The following LRP10 variants were observed in gnomAD, a reference collection of about 807,000 sequenced individuals.
The protein encoded by LRP10 is low-density lipoprotein receptor-related protein 10.
In LRP10, 42 loss-of-function variants were observed where a neutral mutation model predicts 58.5. The ratio of observed to expected loss-of-function variants is 0.72; its 90% confidence interval spans 0.56 to 0.93. LRP10 has a LOEUF of 0.93. LRP10 is among the 40% of genes least tolerant of loss of function. LRP10 has a pLI of 0.00. For synonymous variants in LRP10, 377 were observed against 388.5 expected, an observed-to-expected ratio of 0.97 and a Z score of 0.35; for missense variants, 872 against 940.1, an observed-to-expected ratio of 0.93 and a Z score of 0.95.
At position 22,879,214 on chromosome 14, in the gene LRP10, G is replaced by A. The variant is rs1464898235; in HGVS notation, c.*1687G>A. ...TCTCTTCTAGTGAGCAAGAGCCTGA[G>A]GAAGTAGCAGAGAGGGGTGTGGGCC... On this transcript the variant is annotated 3_prime_UTR_variant, in exon 7 of 7. Transcript: ENST00000359591. 8.8e-6 allele frequency: 4 copies of A among 456,518 alleles called. No individual in the cohort carries two copies. The highest frequency in any genetic ancestry group is 1.3e-5 in the Non-Finnish European group (3 of 226,942). 28.3% of individuals were successfully genotyped at this position (456,518 alleles called of 1,614,324 possible). A position where few individuals can be genotyped will look rare whatever the true frequency, so the allele number is the denominator to read the frequency against.
In LRP10 at chr14:22,875,163, C is replaced by T. The variant is rs762318541; in HGVS notation, c.324C>T (p.Pro108=). ...CACCTCCCAGCCCTCTGCAGCTGCC[C>T]GGGGGCAACGTCACCATCACTTACA... The part of the protein sequence containing the change: ...CEAPPSPLQL[P]GGNVTITYSY... The change falls in exon 4 of 7, where the codon CCC becomes CCT. Residue 108 remains proline (P), a synonymous_variant. Coordinates refer to ENST00000359591, the MANE Select transcript of LRP10 (RefSeq NM_014045.5). The T allele has an allele frequency of 2.5e-5, 41 of 1,613,546 alleles. No individual in the cohort carries two copies. The highest frequency in any genetic ancestry group is 6.7e-5 in the African/African-American group (5 of 74,890).
chr14:22,879,237 G>C lies in LRP10; in HGVS notation c.*1710G>C. On this transcript the variant is annotated 3_prime_UTR_variant, in exon 7 of 7. Transcript: ENST00000359591. ...GAGGAAGTAGCAGAGAGGGGTGTGG[G>C]CCCATGTGCAGTTCTGGGACCCTGG... The C allele has an allele frequency of 2.2e-6, 1 of 456,512 alleles. No individual in the cohort carries two copies. The highest frequency in any genetic ancestry group is 4.4e-6 in the Non-Finnish European group (1 of 226,844). The allele number at this position is 456,512 out of a possible 1,614,324, so 28.3% of individuals were successfully genotyped here. A position where few individuals can be genotyped will look rare whatever the true frequency, so the allele number is the denominator to read the frequency against.
At position 22,879,020 on chromosome 14, in the gene LRP10, C is replaced by T. The variant is rs1237217364; in HGVS notation, c.*1493C>T. 1 of 319,096 alleles carries T rather than the reference C, an allele frequency of 3.1e-6. No homozygotes were observed. The highest frequency in any genetic ancestry group is 3.6e-5 in the Admixed American group (1 of 28,040). The allele number at this position is 319,096 out of a possible 1,614,324, so 19.8% of individuals were successfully genotyped here. ...GACCCAGTCCCTGGGGAAAGAGGCT[C>T]CCCTCAGGCTCTCCTTGTCTAGCCC... On this transcript the variant is annotated 3_prime_UTR_variant, in exon 7 of 7. Coordinates refer to ENST00000359591, the MANE Select transcript of LRP10 (RefSeq NM_014045.5).
At chr14:22,872,456 AG>A in intron 1 of LRP10, 119 bp downstream of exon 1, 2 of 1,025,136 alleles carry the variant, frequency 2.0e-6, no homozygotes, top group Non-Finnish European at 2.8e-6. Context: ...CCCTGCCGCC[AG>A]CCCCAGCACT....
Position 22,872,327 on chromosome 14 carries a change from C to T in LRP10, c.24C>T (p.Leu8=), listed in dbSNP as rs780144452. ...GGATGCTGTTGGCCACCCTCCTCCTCCTCCTCCTTGGTAAGAACCGAAACG... is the reference window on the plus strand; with the variant it reads ...GGATGCTGTTGGCCACCCTCCTCCTTCTCCTCCTTGGTAAGAACCGAAACG... The part of the protein sequence containing the change: MLLATLL[L]LLLGGALAHP... Residue 8 remains leucine, a synonymous_variant, in exon 1 of 7, where the codon CTC becomes CTT. Transcript: ENST00000359591. The T allele has an allele frequency of 2.5e-6, 4 of 1,613,928 alleles. No homozygotes were observed. The highest frequency in any genetic ancestry group is 2.2e-5 in the South Asian group (2 of 91,088).
Position 22,877,251 on chromosome 14 carries a change from C to T in LRP10, c.1866C>T (p.Leu622=). 3 of 1,610,032 alleles carry T rather than the reference C, an allele frequency of 1.9e-6. No homozygotes were observed. Among genetic ancestry groups the T allele is most frequent in the Non-Finnish European group, 1.7e-6 (2 of 1,177,880 alleles). Residue 622 remains leucine, a synonymous_variant, in exon 7 of 7, where the codon CTC becomes CTT. Transcript: ENST00000359591. The surrounding 1 kb of genome is among the most constrained non-coding windows in gnomAD (Gnocchi z 5.1). ...QAPPLPIKAP[L]PSASTSPAPT... is the part of the protein sequence containing the mutation. ...CCCCACTGCCCATCAAGGCTCCCCT[C>T]CCATCTGCTAGCACGTCTCCAGCCC...
chr14:22,875,481 C>G lies in LRP10; in HGVS notation c.533C>G (p.Pro178Arg). 1 of 1,614,212 alleles carries G rather than the reference C, an allele frequency of 6.2e-7. No homozygotes were observed. Among genetic ancestry groups the G allele is most frequent in the Non-Finnish European group, 8.5e-7 (1 of 1,180,042 alleles). Residue 178 changes from proline to arginine, a missense_variant, in exon 5 of 7, where the codon CCC (proline) becomes CGC (arginine). Coordinates refer to ENST00000359591, the MANE Select transcript of LRP10 (RefSeq NM_014045.5). ...GATGAAGCAGGTTGCAGCTCAGACC[C>G]CTTCCCTGGCCTGACCCCAAGACCC... ...GSDEAGCSSD[P>R]FPGLTPRPVP...
intron 5 of LRP10, 87 bp from the exon 6 acceptor site, chr14:22,876,602 G>A: frequency 6.5e-7 from 1 of 1,538,982 alleles, no homozygotes. Flanking sequence ...GCCTGGCCCG[G>A]GTGTGGAAGT....
Position 22,876,175 on chromosome 14 carries a change from G to A in LRP10, c.1227G>A (p.Glu409=). The stretch of plus-strand genomic sequence containing the variant: ...CTGGCAATTTCCGATGCCGGGACGA[G>A]AAGTGCGTGTATGAGACGTGGGTGT... The part of the protein sequence containing the change: ...CQPGNFRCRD[E]KCVYETWVCD... Residue 409 remains glutamate (E), a synonymous_variant, in exon 5 of 7, where the codon GAG becomes GAA. Coordinates refer to ENST00000359591, the MANE Select transcript of LRP10 (RefSeq NM_014045.5). 3 of 1,614,244 alleles carry A rather than the reference G, an allele frequency of 1.9e-6. No individual in the cohort carries two copies. Among genetic ancestry groups the A allele is most frequent in the Non-Finnish European group, 2.5e-6 (3 of 1,180,050 alleles).
rs200503280 is a variant in LRP10, at chr14:22,881,677, CGTTAAAATTGT to C, written c.*4152_*4162del. On this transcript the variant is annotated 3_prime_UTR_variant, in exon 7 of 7. Coordinates refer to ENST00000359591, the MANE Select transcript of LRP10 (RefSeq NM_014045.5). Reference sequence around the variant, plus strand: ...ACTAGTACAGGAACACACATGGACACGTTAAAATTGTGAATAAAAGTAAGTAAAAAGTAAAA... The same window carrying C: ...ACTAGTACAGGAACACACATGGACACGAATAAAAGTAAGTAAAAAGTAAAA... 1 of 152,124 alleles carries C rather than the reference CGTTAAAATTGT, an allele frequency of 6.6e-6. No individual in the cohort carries two copies. The highest frequency in any genetic ancestry group is 1.9e-4 in the East Asian group (1 of 5,202). The allele number at this position is 152,124 out of a possible 1,614,324, so 9.4% of individuals were successfully genotyped here. A position where few individuals can be genotyped will look rare whatever the true frequency, so the allele number is the denominator to read the frequency against.
rs2039989970 is a variant in LRP10 at position 22,875,251 on chromosome 14, C to A, written c.406+6C>A. 1.3e-6 allele frequency: 2 copies of A among 1,588,384 alleles called. No homozygotes were observed. The highest frequency in any genetic ancestry group is 1.7e-5 in the Admixed American group (1 of 58,408). ...CCTGCTCTCCTACAGCCAAGGTAGG[C>A]TGGACAGGGATGTCTGAGGAGCAGG... is the stretch of plus-strand genomic sequence containing the variant. On this transcript the variant is annotated splice_donor_region_variant and intron_variant, in intron 4 of 6. Coordinates refer to ENST00000359591, the MANE Select transcript of LRP10 (RefSeq NM_014045.5).
Position 22,877,567 on chromosome 14 carries a change from C to T in LRP10, c.*40C>T, listed in dbSNP as rs770741190. On this transcript the variant is annotated 3_prime_UTR_variant, in exon 7 of 7. Transcript: ENST00000359591. This position sits in a 1 kb window ranked among gnomAD's most constrained non-coding sequence, Gnocchi z 5.1. ...TCTACTGAGGCCTCTCCCCTGGGGGCTCTACTCATAGTGGCACAACCTTTT... is the reference window on the plus strand; with the variant it reads ...TCTACTGAGGCCTCTCCCCTGGGGGTTCTACTCATAGTGGCACAACCTTTT... 1 of 1,441,740 alleles carries T rather than the reference C, an allele frequency of 6.9e-7. No homozygotes were observed. The highest frequency in any genetic ancestry group is 9.3e-7 in the Non-Finnish European group (1 of 1,078,434). The allele number at this position is 1,441,740 out of a possible 1,614,324, so 89.3% of individuals were successfully genotyped here. A position where few individuals can be genotyped will look rare whatever the true frequency, so the allele number is the denominator to read the frequency against.
chr14:22,875,232 C>G lies in LRP10; in HGVS notation c.393C>G (p.Leu131=), dbSNP rs1467262106. 4 of 1,596,998 alleles carry G rather than the reference C, an allele frequency of 2.5e-6. No individual in the cohort carries two copies. Among genetic ancestry groups the G allele is most frequent in the South Asian group, 2.3e-5 (2 of 88,810 alleles). ...ARAPMGQGFL[L]SYSQDWLMCL... ...CACCCATGGGCCAGGGCTTCCTGCT[C>G]TCCTACAGCCAAGGTAGGCTGGACA... The change falls in exon 4 of 7, where the codon CTC becomes CTG. Residue 131 remains leucine, a synonymous_variant. Transcript: ENST00000359591.
chr14:22,872,681 A>G (rs2039968213), intron 1 of LRP10, 57 bp from the exon 2 acceptor site: 1 of 1,572,372 alleles, frequency 6.4e-7, no homozygotes, highest in Non-Finnish European at 8.7e-7. Flanking sequence ...GCTCAGGTGA[A>G]GAAGAAAACT....
chr14:22,878,967 AGGAACAAAACTGAGGAATTCCCTAAC>A lies in LRP10; in HGVS notation c.*1444_*1469del. 3.3e-6 allele frequency: 1 copy of A among 304,860 alleles called. No individual in the cohort carries two copies. The highest frequency in any genetic ancestry group is 3.8e-5 in the Admixed American group (1 of 26,120). The allele number at this position is 304,860 out of a possible 1,614,324, so 18.9% of individuals were successfully genotyped here. On this transcript the variant is annotated 3_prime_UTR_variant, in exon 7 of 7. Transcript: ENST00000359591. ...GCTGTGGGGGTGGGAGTGATGCCTC[AGGAACAAAACTGAGGAATTCCCTAAC>A]GGACCCAGTCCCTGGGGAAAGAGGC...
chr14:22,876,432 C>A, intron 5 of LRP10, 60 bp downstream of exon 5: 1 of 1,578,244 alleles, frequency 6.3e-7, no homozygotes, highest in Non-Finnish European at 8.6e-7. Flanking sequence ...CTGGGCTGTG[C>A]AGCTACAGGA....
rs201675483 is a variant in LRP10, at chr14:22,875,055, G to C, written c.216G>C (p.Arg72Ser). The C allele has an allele frequency of 6.8e-5, 106 of 1,561,906 alleles. No individual in the cohort carries two copies. Among genetic ancestry groups the C allele is most frequent in the Non-Finnish European group, 8.9e-5 (102 of 1,152,506 alleles). The change falls in exon 4 of 7, where the codon AGG becomes AGC. Residue 72 changes from arginine (R) to serine (S), a missense_variant and splice_region_variant. Arg to Ser is a moderately radical substitution (Grantham distance 110). Coordinates refer to ENST00000359591, the MANE Select transcript of LRP10 (RefSeq NM_014045.5). ...LGSKEQTVTI[R>S]FQKLHLACGS... ...GTCCTGCTCTCCTCTACTCCCATAGGTTCCAGAAGCTACACCTGGCCTGTG... is the reference window on the plus strand; with the variant it reads ...GTCCTGCTCTCCTCTACTCCCATAGCTTCCAGAAGCTACACCTGGCCTGTG...
Position 22,877,053 on chromosome 14 carries a change from G to T in LRP10, c.1668G>T (p.Leu556=), listed in dbSNP as rs761021031. ...RRQRGRLMRR[L]VRRLRRWGLL... ...AGCGGGGCCGCTTGATGCGACGCCT[G>T]GTACGCCGTCTCCGCCGCTGGGGCT... The change falls in exon 7 of 7, where the codon CTG becomes CTT. Residue 556 remains leucine (L), a synonymous_variant. Coordinates refer to ENST00000359591, the MANE Select transcript of LRP10 (RefSeq NM_014045.5). This position sits in a 1 kb window ranked among gnomAD's most constrained non-coding sequence, Gnocchi z 5.1. 6.2e-7 allele frequency: 1 copy of T among 1,613,772 alleles called. No homozygotes were observed. The highest frequency in any genetic ancestry group is 8.5e-7 in the Non-Finnish European group (1 of 1,179,880).
chr14:22,875,331 C>A, intron 4 of LRP10, 24 bp from the exon 5 acceptor site: 1 of 1,599,512 alleles, frequency 6.3e-7, no homozygotes, highest in Non-Finnish European at 8.5e-7. Flanking sequence ...TGCTTCACAG[C>A]CCCTCTCCAT....
Sources: allele counts gnomAD v4.1 joint callset, GRCh38; gene constraint gnomAD v4.1.1; non-coding constraint Gnocchi (gnomAD v3.1); transcripts MANE v1.5; gene names NCBI Gene and HGNC (gene_info 2026-07-23, HGNC 2026-07-21).